Variants in TXNDC16 observed in about 807,000 individuals in gnomAD.
TXNDC16 encodes the protein thioredoxin domain containing 16, also known as thioredoxin domain-containing protein 16.
Under a neutral mutation model 85.6 loss-of-function variants are expected in TXNDC16, and 74 were observed. The ratio of observed to expected loss-of-function variants is 0.86; its 90% CI spans 0.72 to 1.05. The LOEUF (loss-of-function observed/expected upper bound fraction) is 1.05, where lower values mean the gene tolerates loss of function less well. Among genes scored for constraint, TXNDC16 ranks in the 50% least tolerant of loss-of-function variants. The pLI is 0.00. For synonymous variants in TXNDC16, 335 were observed against 326.5 expected (o/e 1.03, Z -0.28); for missense variants, 959 against 947.0 (o/e 1.01, Z -0.17).
chr14:52,454,311 G>A (rs899366213), intron 18 of TXNDC16, among the ~76,000 whole-genome samples: 11 of 151,430 alleles, frequency 7.3e-5, no homozygotes, highest in Non-Finnish European at 1.2e-4. Flanking sequence ...CTGTAGTCCT[G>A]GCTACTTGGG....
At chr14:52,529,700 A>ATT (rs2037440846) in intron 6 of TXNDC16, among the ~76,000 whole-genome samples, 1 of 112,566 alleles carries the variant, frequency 8.9e-6, no homozygotes, top group African/African-American at 3.7e-5. Context: ...TATTATATAT[A>ATT]ATATATATAA....
chr14:52,537,070 T>TCA (rs58583503), intron 5 of TXNDC16, among the ~76,000 whole-genome samples: 27,669 of 147,192 alleles, frequency 0.19, 2,631 homozygotes, highest in Admixed American at 0.28. Context: ...CAACTCACAA[T>TCA]CACACACACA....
At chr14:52,472,181 AGTCT>A (rs2035922269) in intron 14 of TXNDC16, among the ~76,000 whole-genome samples, 1 of 151,354 alleles carries the variant, frequency 6.6e-6, no homozygotes, top group Admixed American at 6.6e-5. Context: ...GGCAAGATTT[AGTCT>A]GTCTTTTTTT....
At chr14:52,438,340 C>T (rs1002318744) in intron 20 of TXNDC16, among the ~76,000 whole-genome samples, 3 of 152,274 alleles carry the variant, frequency 2.0e-5, no homozygotes, top group South Asian at 2.1e-4. Context: ...ATGCTGCAAA[C>T]TTCATTGTTG....
chr14:52,470,273 G>A (rs1057349755), intron 15 of TXNDC16, 100 bp from the exon 16 acceptor site: 4 of 953,304 alleles, frequency 4.2e-6, no homozygotes, highest in African/African-American at 3.3e-5. Context: ...TATTACATAG[G>A]ATAATATCTT....
intron 9 of TXNDC16, among the ~76,000 whole-genome samples, chr14:52,501,974 G>A (rs918004894): frequency 6.6e-6 from 1 of 152,154 alleles, no homozygotes; most frequent in Admixed American, 6.5e-5. Flanking sequence ...GGAATCTTTC[G>A]AGGCTTTGTC....
At chr14:52,530,731 GTA>G (rs1242732333) in intron 6 of TXNDC16, among the ~76,000 whole-genome samples, 1 of 143,846 alleles carries the variant, frequency 7.0e-6, no homozygotes, top group Non-Finnish European at 1.5e-5. Flanking sequence ...GAACACATCA[GTA>G]TATGTCTGTA....
intron 16 of TXNDC16, among the ~76,000 whole-genome samples, chr14:52,459,437 T>C (rs551215610): frequency 4.3e-4 from 65 of 152,194 alleles, no homozygotes; most frequent in African/African-American, 1.5e-3. Context: ...ATAAATAGCC[T>C]ACCAACCAAA....
chr14:52,497,318 A>T (rs1030913741), intron 9 of TXNDC16, among the ~76,000 whole-genome samples: 6 of 152,178 alleles, frequency 3.9e-5, no homozygotes, highest in Non-Finnish European at 5.9e-5. Context: ...CTAGTAAGAA[A>T]ATTAAATCAG....
intron 6 of TXNDC16, among the ~76,000 whole-genome samples, chr14:52,533,598 A>C (rs1470795513): frequency 1.3e-5 from 2 of 152,218 alleles, no homozygotes; most frequent in Non-Finnish European, 2.9e-5. Context: ...CAAAAGTAAT[A>C]ATCAAGGTTT....
intron 14 of TXNDC16, among the ~76,000 whole-genome samples, chr14:52,480,975 G>GTGTA (rs1238227587): frequency 8.9e-5 from 12 of 135,000 alleles, no homozygotes; most frequent in African/African-American, 3.1e-4. Flanking sequence ...ATATATATAT[G>GTGTA]TATATATATA....
At chr14:52,444,796 C>A (rs2035241183) in intron 18 of TXNDC16, among the ~76,000 whole-genome samples, 1 of 152,080 alleles carries the variant, frequency 6.6e-6, no homozygotes, top group Admixed American at 6.6e-5. Context: ...TGGGCCTACT[C>A]TTTGGACAAC....
chr14:52,488,323 T>C, intron 12 of TXNDC16, 40 bp downstream of exon 12: 1 of 1,607,158 alleles, frequency 6.2e-7, no homozygotes. Context: ...TTATGGGTGC[T>C]GGGCAGGATG....
intron 16 of TXNDC16, among the ~76,000 whole-genome samples, chr14:52,460,481 T>C (rs537498556): frequency 3.3e-4 from 51 of 152,338 alleles, no homozygotes; most frequent in African/African-American, 1.2e-3. Context: ...TGACAATGTT[T>C]TTCATGTAAT....
At chr14:52,504,144 C>G (rs1449807512) in intron 9 of TXNDC16, among the ~76,000 whole-genome samples, 1 of 152,212 alleles carries the variant, frequency 6.6e-6, no homozygotes, top group Non-Finnish European at 1.5e-5. Context: ...AGAAAACACT[C>G]TGCAGGATAT....
chr14:52,529,892 A>G (rs866872940), intron 6 of TXNDC16, among the ~76,000 whole-genome samples: 28 of 101,092 alleles, frequency 2.8e-4, no homozygotes, highest in African/African-American at 1.2e-3. Context: ...TATGAATTAT[A>G]TATTATATAT....
chr14:52,513,271 A>C (rs1291574492), intron 8 of TXNDC16, among the ~76,000 whole-genome samples: 1 of 152,216 alleles, frequency 6.6e-6, no homozygotes, highest in Non-Finnish European at 1.5e-5. Context: ...TCTACATCAC[A>C]TAGGAAGCAT....
intron 12 of TXNDC16, among the ~76,000 whole-genome samples, chr14:52,485,666 A>G (rs951683051): frequency 2.6e-5 from 4 of 152,114 alleles, no homozygotes; most frequent in African/African-American, 9.7e-5. Context: ...AATATCTACC[A>G]TTGTGTTATA....
At chr14:52,500,492 T>A (rs1280283800) in intron 9 of TXNDC16, among the ~76,000 whole-genome samples, 5 of 152,160 alleles carry the variant, frequency 3.3e-5, no homozygotes. Context: ...TCAATGAGTA[T>A]AGAGTTTCAG....
Sources: gnomAD v4.1 joint callset for allele counts (sites outside exome capture counted in the v4.1 genomes callset) on GRCh38, gnomAD v4.1.1 for gene constraint, MANE v1.5 for transcripts, NCBI Gene and HGNC (gene_info 2026-07-23, HGNC 2026-07-21) for gene names.